The following DHRS7 variants were observed in gnomAD, a reference collection of about 807,000 sequenced individuals.
The protein encoded by DHRS7 is dehydrogenase/reductase 7.
In DHRS7, 34 loss-of-function variants were observed where a neutral mutation model predicts 38.9. The ratio of observed to expected loss-of-function variants is 0.87; its 90% confidence interval spans 0.66 to 1.16. The LOEUF is 1.16. Among genes scored for constraint, DHRS7 ranks in the 50% most tolerant of loss-of-function variants. The pLI is 0.00. For synonymous variants in DHRS7, 158 were observed against 153.1 expected, an observed-to-expected ratio of 1.03 and a Z score of -0.24; for missense variants, 421 against 407.0, an observed-to-expected ratio of 1.03 and a Z score of -0.30.
At chr14:60,168,905 TCTAA>T (rs776878449), upstream of DHRS7, 1 of 911,168 alleles carries the variant, frequency 1.1e-6, no homozygotes, top group Non-Finnish European at 1.5e-6. Flanking sequence ...AAGTGGTTAG[TCTAA>T]CTAACCCATT....
chr14:60,149,804 C>T (rs894118915), intron 5 of DHRS7, among the ~76,000 whole-genome samples: 3 of 151,846 alleles, frequency 2.0e-5, no homozygotes, highest in African/African-American at 7.3e-5. Flanking sequence ...GATGAAGATT[C>T]TTTGCTTTTA....
rs369006497 is a variant in DHRS7 at position 60,145,187 on chromosome 14, G to A, written c.973-174C>T. The A allele has an allele frequency of 2.5e-5, 12 of 479,428 alleles. No individual in the cohort carries two copies. Among genetic ancestry groups the A allele is most frequent in the African/African-American group, 6.1e-5 (3 of 49,260 alleles). The allele number at this position is 479,428 out of a possible 1,614,324, so 29.7% of individuals were successfully genotyped here. A position where few individuals can be genotyped will look rare whatever the true frequency, so the allele number is the denominator to read the frequency against. ...TTTAAAAATCATAGCCAAAATTCTA[G>A]ATGTACACAAAAGTACTTCTAATGA... On this transcript the variant is annotated intron_variant, in intron 6 of 6. Transcript: ENST00000557185. This position sits in a 1 kb window ranked among gnomAD's most constrained non-coding sequence, Gnocchi z 4.0.
chr14:60,162,276 G>A lies in DHRS7; in HGVS notation c.133+2901C>T, dbSNP rs1237238998. 6.6e-6 allele frequency among the ~76,000 whole-genome samples: 1 copy of A among 152,042 alleles called. No homozygotes were observed. The highest frequency in any genetic ancestry group is 2.4e-5 in the African/African-American group (1 of 41,388). ...TAGTCCTAGCTACTGGGGAGGCTGAGGTGGGAGGATTGCCTGAGCCCAGGA... is the reference window on the plus strand; with the variant it reads ...TAGTCCTAGCTACTGGGGAGGCTGAAGTGGGAGGATTGCCTGAGCCCAGGA... On this transcript the variant is annotated intron_variant, in intron 1 of 6. Coordinates refer to ENST00000557185, the MANE Select transcript of DHRS7 (RefSeq NM_016029.4). The surrounding 1 kb of genome is among the most constrained non-coding windows in gnomAD (Gnocchi z 4.5).
upstream of DHRS7, among the ~76,000 whole-genome samples, chr14:60,167,398 T>C (rs1034940156): frequency 2.6e-5 from 4 of 152,250 alleles, no homozygotes; most frequent in African/African-American, 9.6e-5. Flanking sequence ...AGTCCGAAAG[T>C]CTTTTCTATA....
intron 1 of DHRS7, among the ~76,000 whole-genome samples, chr14:60,157,151 A>G (rs555426411): frequency 8.5e-5 from 13 of 152,206 alleles, no homozygotes; most frequent in African/African-American, 3.1e-4. Flanking sequence ...ACAGCTCTAA[A>G]TCCTAACTGT....
chr14:60,154,088 G>A (rs371451291), intron 2 of DHRS7, 23 bp from the exon 3 acceptor site: 1 of 1,592,510 alleles, frequency 6.3e-7, no homozygotes, highest in Non-Finnish European at 8.6e-7. Context: ...AAAAATTTGT[G>A]TGGAAGTCAT....
At chr14:60,152,592 T>C (rs1566531599) in intron 4 of DHRS7, 1 of 221,844 alleles carries the variant, frequency 4.5e-6, no homozygotes, top group East Asian at 1.1e-4. Flanking sequence ...CAATTTTCCA[T>C]GAAGATTTAG....
At chr14:60,164,718 G>A (rs1896831122) in intron 1 of DHRS7, among the ~76,000 whole-genome samples, 1 of 152,222 alleles carries the variant, frequency 6.6e-6, no homozygotes, top group South Asian at 2.1e-4. Context: ...GGAGTGGGAA[G>A]TGGAGGACAG....
upstream of DHRS7, chr14:60,165,493 A>G: frequency 3.0e-6 from 4 of 1,323,068 alleles, no homozygotes; most frequent in Non-Finnish European, 3.8e-6. The surrounding 1 kb of genome is among the most constrained non-coding windows in gnomAD (Gnocchi z 4.6). Flanking sequence ...TCGCGGCCCC[A>G]CTCGCGGTCC....
chr14:60,150,450 A>G (rs1896519840), intron 4 of DHRS7, among the ~76,000 whole-genome samples: 1 of 152,116 alleles, frequency 6.6e-6, no homozygotes. Context: ...ATATCTCCTA[A>G]TGCTATCCGT....
At chr14:60,150,313 A>G (rs1896516815) in intron 4 of DHRS7, 126 bp from the exon 5 acceptor site, 4 of 866,850 alleles carry the variant, frequency 4.6e-6, no homozygotes, top group Non-Finnish European at 6.5e-6. Flanking sequence ...CAAGCTTATT[A>G]GGCACTTTTT....
At chr14:60,147,425 A>G (rs1896435646) in intron 6 of DHRS7, 1 of 152,224 alleles carries the variant, frequency 6.6e-6, no homozygotes, top group African/African-American at 2.4e-5. Context: ...GGTGACATGT[A>G]TTAATTAGCT....
intron 4 of DHRS7, among the ~76,000 whole-genome samples, chr14:60,152,414 G>A (rs1051599288): frequency 2.6e-5 from 4 of 152,218 alleles, no homozygotes; most frequent in African/African-American, 4.8e-5. Context: ...GTAAGGATAT[G>A]AGACCAGGAC....
At position 60,144,200 on chromosome 14, in the gene DHRS7, G is replaced by C. The variant is rs1595186732; in HGVS notation, c.*766C>G. 1 of 152,272 alleles carries C rather than the reference G, an allele frequency of 6.6e-6. No homozygotes were observed. Among genetic ancestry groups the C allele is most frequent in the African/African-American group, 2.4e-5 (1 of 41,442 alleles). The allele number at this position is 152,272 out of a possible 1,614,324, so 9.4% of individuals were successfully genotyped here. ...CTGCTGCTTCAAATTACAGCCATCT[G>C]TACCTGTCAACTTTTCTAAGAGTAT... On this transcript the variant is annotated 3_prime_UTR_variant, in exon 7 of 7. Transcript: ENST00000557185.
chr14:60,146,527 T>G lies in DHRS7; in HGVS notation c.973-1514A>C, dbSNP rs1018487377. 1 of 152,192 alleles carries G rather than the reference T, an allele frequency of 6.6e-6. No homozygotes were observed. The highest frequency in any genetic ancestry group is 2.4e-5 in the African/African-American group (1 of 41,446). 9.4% of individuals were successfully genotyped at this position (152,192 alleles called of 1,614,324 possible). ...TTACCATCTGATCCAGCAATTCCAC[T>G]TAAGGGTATAAATCTAAAGGAAGTG... On this transcript the variant is annotated intron_variant, in intron 6 of 6. Transcript: ENST00000557185. The surrounding 1 kb of genome is among the most constrained non-coding windows in gnomAD (Gnocchi z 4.9).
intron 4 of DHRS7, among the ~76,000 whole-genome samples, 167 bp from the exon 5 acceptor site, chr14:60,150,354 A>G (rs747903698): frequency 6.6e-6 from 1 of 152,184 alleles, no homozygotes. Context: ...TCTAGGGTAC[A>G]TGTGCACAAC....
intron 2 of DHRS7, among the ~76,000 whole-genome samples, chr14:60,155,619 G>A (rs1169970040): frequency 2.0e-5 from 3 of 151,990 alleles, no homozygotes; most frequent in South Asian, 4.1e-4. Context: ...TTTAATATCT[G>A]ATACTTTAAT....
At chr14:60,168,572 T>C (rs1896894724), upstream of DHRS7, 2 of 1,247,274 alleles carry the variant, frequency 1.6e-6, no homozygotes, top group East Asian at 2.6e-5. Context: ...TCTATAATCA[T>C]TTTAAAGTAA....
chr14:60,151,176 T>C (rs1166475892), intron 4 of DHRS7, among the ~76,000 whole-genome samples: 1 of 152,140 alleles, frequency 6.6e-6, no homozygotes, highest in Non-Finnish European at 1.5e-5. Context: ...ATTTATCTTT[T>C]TGGGTAATAA....
Sources: gnomAD v4.1 joint callset for allele counts (sites outside exome capture counted in the v4.1 genomes callset) on GRCh38, gnomAD v4.1.1 for gene constraint, Gnocchi (gnomAD v3.1) non-coding constraint, MANE v1.5 for transcripts, NCBI Gene and HGNC (gene_info 2026-07-23, HGNC 2026-07-21) for gene names.